The following PFN2 variants were observed in gnomAD, a reference collection of about 807,000 sequenced individuals.
PFN2 encodes the protein profilin 2.
PFN2 carries 8 observed loss-of-function variants against 15.3 expected under a neutral mutation model. The observed-to-expected ratio is 0.52, with a 90% confidence interval of 0.31 to 0.95. The LOEUF (loss-of-function observed/expected upper bound fraction) is 0.95. PFN2 is among the 40% of genes least tolerant of loss of function. The pLI, the probability that PFN2 is intolerant of heterozygous loss-of-function variation, is 0.05. For synonymous variants in PFN2, 79 were observed against 67.9 expected (o/e 1.16, Z -0.81); for missense variants, 111 against 182.3 (o/e 0.61, Z 2.25).
At chr3:149,970,502 G>A (rs1722831928) in intron 1 of PFN2, 1 of 343,718 alleles carries the variant, frequency 2.9e-6, no homozygotes, top group Non-Finnish European at 5.0e-6. Context: ...GGGCCAGCAA[G>A]GAGTCCGGCC....
Position 149,966,159 on chromosome 3 carries a change from G to A in PFN2, c.*330C>T, listed in dbSNP as rs770681892. The A allele has an allele frequency of 1.2e-6, 2 of 1,612,166 alleles. No individual in the cohort carries two copies. Among genetic ancestry groups the A allele is most frequent in the East Asian group, 4.5e-5 (2 of 44,858 alleles). ...AAGACAGTTGCTAGGTAGATGGGGA[G>A]AGGCTGCTTACACATCAGACCTCCT... On this transcript the variant is annotated 3_prime_UTR_variant, in exon 3 of 3. Coordinates refer to ENST00000239940, the MANE Select transcript of PFN2 (RefSeq NM_053024.4).
chr3:149,966,672 A>G, intron 2 of PFN2, 86 bp from the exon 3 acceptor site: 1 of 997,168 alleles, frequency 1.0e-6, no homozygotes, highest in South Asian at 1.4e-5. Context: ...CCGGATTAAT[A>G]AGTTAACATT....
In PFN2 at chr3:149,965,704, A is replaced by G; in HGVS notation, c.*785T>C. On this transcript the variant is annotated 3_prime_UTR_variant, in exon 3 of 3. Transcript: ENST00000239940. Reference sequence around the variant, plus strand: ...GAAGCAAACCAAATGCCTATGTGCGAAGGGAGGGGGGGCGGGAAAAAGAGA... The same window carrying G: ...GAAGCAAACCAAATGCCTATGTGCGGAGGGAGGGGGGGCGGGAAAAAGAGA... 4 of 246,056 alleles carry G rather than the reference A, an allele frequency of 1.6e-5. No individual in the cohort carries two copies. The highest frequency in any genetic ancestry group is 1.9e-5 in the Non-Finnish European group (4 of 210,854). 15.2% of individuals were successfully genotyped at this position (246,056 alleles called of 1,614,324 possible). A position where few individuals can be genotyped will look rare whatever the true frequency, so the allele number is the denominator to read the frequency against.
chr3:149,968,607 T>C, intron 1 of PFN2, 57 bp from the exon 2 acceptor site: 1 of 1,464,808 alleles, frequency 6.8e-7, no homozygotes, highest in Non-Finnish European at 9.4e-7. Flanking sequence ...TGTAGTTAAC[T>C]CCTTTTAGGG....
Position 149,965,893 on chromosome 3 carries a change from T to C in PFN2, c.*596A>G, listed in dbSNP as rs753427066. On this transcript the variant is annotated 3_prime_UTR_variant, in exon 3 of 3. Transcript: ENST00000239940. ...ACTTATTTTAGTAATCAATATCCCA[T>C]TAATTGCTAAGACAAAGTGATGCCC... The C allele has an allele frequency of 7.9e-7, 1 of 1,262,230 alleles. No homozygotes were observed. Among genetic ancestry groups the C allele is most frequent in the African/African-American group, 1.5e-5 (1 of 65,396 alleles). 78.2% of individuals were successfully genotyped at this position (1,262,230 alleles called of 1,614,324 possible). A position where few individuals can be genotyped will look rare whatever the true frequency, so the allele number is the denominator to read the frequency against.
chr3:149,968,599 T>C lies in PFN2; in HGVS notation c.133-49A>G, dbSNP rs1722756733. ...AAAAAAACACACACACATTAAGTTG[T>C]AGTTAACTCCTTTTAGGGCTTGATG... On this transcript the variant is annotated intron_variant, in intron 1 of 2. Coordinates refer to ENST00000239940, the MANE Select transcript of PFN2 (RefSeq NM_053024.4). The C allele has an allele frequency of 2.6e-6, 4 of 1,519,026 alleles. No homozygotes were observed. The South Asian group carries it at 3.6e-5, about 14-fold the overall frequency. 94.1% of individuals were successfully genotyped at this position (1,519,026 alleles called of 1,614,324 possible).
At chr3:149,966,730 C>T (rs1472192922) in intron 2 of PFN2, 144 bp from the exon 3 acceptor site, 1 of 659,000 alleles carries the variant, frequency 1.5e-6, no homozygotes, top group East Asian at 2.6e-5. Context: ...AGTAGGTTTC[C>T]AAAAAGAACT....
chr3:149,965,465 A>G lies in PFN2; in HGVS notation c.*1024T>C, dbSNP rs1722657124. On this transcript the variant is annotated 3_prime_UTR_variant, in exon 3 of 3. Coordinates refer to ENST00000239940, the MANE Select transcript of PFN2 (RefSeq NM_053024.4). ...ATGGAATGTCCCTGGGGATTCAATC[A>G]GTATGGTTACTGTAAGGTCATGGGA... 1.4e-6 allele frequency: 2 copies of G among 1,436,914 alleles called. No homozygotes were observed. The highest frequency in any genetic ancestry group is 1.4e-5 in the African/African-American group (1 of 69,740). The allele number at this position is 1,436,914 out of a possible 1,614,324, so 89.0% of individuals were successfully genotyped here.
At position 149,965,954 on chromosome 3, in the gene PFN2, T is replaced by A; in HGVS notation, c.*535A>T. 1 of 1,350,660 alleles carries A rather than the reference T, an allele frequency of 7.4e-7. No individual in the cohort carries two copies. The highest frequency in any genetic ancestry group is 9.5e-7 in the Non-Finnish European group (1 of 1,055,516). 83.7% of individuals were successfully genotyped at this position (1,350,660 alleles called of 1,614,324 possible). The stretch of plus-strand genomic sequence containing the variant: ...GCCCCCTCCCCCCAATTTCAAGGTA[T>A]CATGCAAATCATTATTGTGCTGCAA... On this transcript the variant is annotated 3_prime_UTR_variant, in exon 3 of 3. Transcript: ENST00000239940.
chr3:149,970,461 C>A, intron 1 of PFN2: 1 of 284,088 alleles, frequency 3.5e-6, no homozygotes, highest in Non-Finnish European at 6.5e-6. Context: ...GCACCTGGAC[C>A]GACGCTGGGA....
chr3:149,965,398 G>T lies in PFN2; in HGVS notation c.*1091C>A. The T allele has an allele frequency of 6.9e-7, 1 of 1,458,556 alleles. No individual in the cohort carries two copies. The allele number at this position is 1,458,556 out of a possible 1,614,324, so 90.4% of individuals were successfully genotyped here. The stretch of plus-strand genomic sequence containing the variant: ...ACAATTTTACTAAAGAGTAGAGCTG[G>T]TGTGCAAAGAAAAAGGAAGAAAAAT... On this transcript the variant is annotated 3_prime_UTR_variant, in exon 3 of 3. Coordinates refer to ENST00000239940, the MANE Select transcript of PFN2 (RefSeq NM_053024.4).
intron 2 of PFN2, chr3:149,967,976 AAAAAG>A (rs546921738): frequency 1.5e-4 from 25 of 161,738 alleles, no homozygotes; most frequent in African/African-American, 4.1e-4. Flanking sequence ...AAGCAAGAAA[AAAAAG>A]AAAAGAGATC....
chr3:149,966,255 A>G lies in PFN2; in HGVS notation c.*234T>C, dbSNP rs1722687803. On this transcript the variant is annotated 3_prime_UTR_variant, in exon 3 of 3. Coordinates refer to ENST00000239940, the MANE Select transcript of PFN2 (RefSeq NM_053024.4). ...GTGGACACCTTCCTTTCCCATGACTATAACCAATGCTGGAGTACACAAGGA... is the reference window on the plus strand; with the variant it reads ...GTGGACACCTTCCTTTCCCATGACTGTAACCAATGCTGGAGTACACAAGGA... The G allele has an allele frequency of 3.7e-6, 6 of 1,613,570 alleles. No homozygotes were observed. The highest frequency in any genetic ancestry group is 5.1e-6 in the Non-Finnish European group (6 of 1,179,654).
chr3:149,965,135 G>A lies in PFN2; in HGVS notation c.*1354C>T, dbSNP rs1213640846. On this transcript the variant is annotated 3_prime_UTR_variant, in exon 3 of 3. Transcript: ENST00000239940. ...GAATGTCCCTAAAGTAGTGCCATTCGAAAGAAACCCTTAATAGGTCAGTTA... is the reference window on the plus strand; with the variant it reads ...GAATGTCCCTAAAGTAGTGCCATTCAAAAGAAACCCTTAATAGGTCAGTTA... The A allele has an allele frequency of 2.5e-5, 27 of 1,083,924 alleles. No homozygotes were observed. The highest frequency in any genetic ancestry group is 2.2e-4 in the South Asian group (13 of 59,816). The allele number at this position is 1,083,924 out of a possible 1,614,324, so 67.1% of individuals were successfully genotyped here.
At position 149,965,857 on chromosome 3, in the gene PFN2, G is replaced by A; in HGVS notation, c.*632C>T. 1 of 1,162,286 alleles carries A rather than the reference G, an allele frequency of 8.6e-7. No homozygotes were observed. Among genetic ancestry groups the A allele is most frequent in the Non-Finnish European group, 1.1e-6 (1 of 940,352 alleles). The allele number at this position is 1,162,286 out of a possible 1,614,324, so 72.0% of individuals were successfully genotyped here. On this transcript the variant is annotated 3_prime_UTR_variant, in exon 3 of 3. Coordinates refer to ENST00000239940, the MANE Select transcript of PFN2 (RefSeq NM_053024.4). ...TCAGAGATTGTACAACCGGCACCTT[G>A]CTTAATATTAACTTATTTTAGTAAT...
At position 149,966,197 on chromosome 3, in the gene PFN2, G is replaced by T; in HGVS notation, c.*292C>A. ...CATCAGACCTCCTCAGGTATAAAGC[G>T]AGTTCATATGCTTTCTTGTTAAGTG... On this transcript the variant is annotated 3_prime_UTR_variant, in exon 3 of 3. Transcript: ENST00000239940. The T allele has an allele frequency of 6.2e-7, 1 of 1,613,710 alleles. No individual in the cohort carries two copies. Among genetic ancestry groups the T allele is most frequent in the Non-Finnish European group, 8.5e-7 (1 of 1,179,666 alleles).
In PFN2 at chr3:149,970,774, G is replaced by C; in HGVS notation, c.83C>G (p.Ala28Gly). ...GGCCGTGGCTGCCCAGACGTATTTG[G>C]CGTCGCAGTAGCCGACAATGGCGGC... Reference protein sequence around the residue: ...QEAAIVGYCDAKYVWAATAGG... With the variant: ...QEAAIVGYCDGKYVWAATAGG... The change falls in exon 1 of 3, where the codon GCC becomes GGC. Residue 28 changes from alanine (A) to glycine (G), a missense_variant. Coordinates refer to ENST00000239940, the MANE Select transcript of PFN2 (RefSeq NM_053024.4). The C allele has an allele frequency of 6.6e-7, 1 of 1,517,832 alleles. No homozygotes were observed. 94.0% of individuals were successfully genotyped at this position (1,517,832 alleles called of 1,614,324 possible). A position where few individuals can be genotyped will look rare whatever the true frequency, so the allele number is the denominator to read the frequency against.
At chr3:149,968,584 ACAC>A in intron 1 of PFN2, 34 bp from the exon 2 acceptor site, 1 of 1,548,350 alleles carries the variant, frequency 6.5e-7, no homozygotes, top group Non-Finnish European at 8.8e-7. Context: ...AAAAAAACAC[ACAC>A]ACATTAAGTT....
At position 149,965,883 on chromosome 3, in the gene PFN2, C is replaced by G. The variant is rs377163098; in HGVS notation, c.*606G>C. On this transcript the variant is annotated 3_prime_UTR_variant, in exon 3 of 3. Transcript: ENST00000239940. ...CTTAATATTAACTTATTTTAGTAAT[C>G]AATATCCCATTAATTGCTAAGACAA... 6 of 1,238,006 alleles carry G rather than the reference C, an allele frequency of 4.8e-6. No individual in the cohort carries two copies. The East Asian group carries it at 2.4e-4, about 49-fold the overall frequency. 76.7% of individuals were successfully genotyped at this position (1,238,006 alleles called of 1,614,324 possible).
Sources: gnomAD v4.1 joint callset for allele counts on GRCh38, gnomAD v4.1.1 for gene constraint, MANE v1.5 for transcripts, NCBI Gene and HGNC (gene_info 2026-07-23, HGNC 2026-07-21) for gene names.